USH2A: variants seen among roughly 807,000 people sequenced by gnomAD.
The protein encoded by USH2A is usherin, also known as Usher syndrome 2A (autosomal recessive, mild).
In USH2A, 443 loss-of-function variants were observed where a neutral mutation model predicts 538.9. That is an observed-to-expected ratio of 0.82 (90% CI 0.76 to 0.89). USH2A has a LOEUF of 0.89. USH2A is among the 40% of genes least tolerant of loss of function. USH2A has a pLI of 0.00. For missense variants in USH2A, 6,633 were observed against 6,324.8 expected (o/e 1.05, Z -1.65); for synonymous variants, 2,413 against 2,273.5 (o/e 1.06, Z -1.75).
intron 32 of USH2A, among the ~76,000 whole-genome samples, chr1:216,021,125 A>C (rs1668835250): frequency 6.6e-6 from 1 of 152,140 alleles, no homozygotes; most frequent in Non-Finnish European, 1.5e-5. Context: ...TGAGTGTCAG[A>C]GAATTGAAGA....
At chr1:215,736,842 T>C (rs932084268) in intron 60 of USH2A, among the ~76,000 whole-genome samples, 4 of 151,950 alleles carry the variant, frequency 2.6e-5, no homozygotes, top group African/African-American at 9.7e-5. Context: ...GACCCTGTAT[T>C]AAAAGATTTC....
chr1:215,818,219 A>T (rs1179185599), intron 47 of USH2A, among the ~76,000 whole-genome samples: 5 of 151,866 alleles, frequency 3.3e-5, no homozygotes, highest in Non-Finnish European at 5.9e-5. Flanking sequence ...CTGGGTGGGG[A>T]TCAGCAGTCC....
At chr1:216,026,271 A>G (rs1456948501) in intron 32 of USH2A, among the ~76,000 whole-genome samples, 1 of 152,156 alleles carries the variant, frequency 6.6e-6, no homozygotes, top group Non-Finnish European at 1.5e-5. Context: ...GTAATTACAT[A>G]GAATTTATTC....
intron 21 of USH2A, among the ~76,000 whole-genome samples, chr1:216,131,410 C>T (rs1232739791): frequency 6.6e-6 from 1 of 151,956 alleles, no homozygotes; most frequent in South Asian, 2.1e-4. Context: ...AGGGTTTTTC[C>T]AATGTTATCT....
chr1:216,205,841 T>A (rs1002109641), intron 16 of USH2A, among the ~76,000 whole-genome samples: 15 of 152,136 alleles, frequency 9.9e-5, no homozygotes, highest in African/African-American at 3.4e-4. Flanking sequence ...AATGTAAAAA[T>A]TCCTATTTTT....
At chr1:215,873,717 A>C (rs1231703059) in intron 43 of USH2A, among the ~76,000 whole-genome samples, 1 of 151,924 alleles carries the variant, frequency 6.6e-6, no homozygotes, top group African/African-American at 2.4e-5. Context: ...AAAATGTGTT[A>C]ATTTTGAATG....
At chr1:216,382,450 C>T (rs2038937499) in intron 3 of USH2A, among the ~76,000 whole-genome samples, 1 of 152,132 alleles carries the variant, frequency 6.6e-6, no homozygotes, top group Non-Finnish European at 1.5e-5. Flanking sequence ...TGTGAGGTCC[C>T]AGAGGAGACC....
chr1:215,784,629 A>T (rs566728081), intron 52 of USH2A, among the ~76,000 whole-genome samples: 1 of 152,320 alleles, frequency 6.6e-6, no homozygotes, highest in African/African-American at 2.4e-5. Flanking sequence ...CAGCACTGGT[A>T]TTGTCAGCTT....
At chr1:215,708,593 T>A (rs953650452) in intron 61 of USH2A, among the ~76,000 whole-genome samples, 1 of 152,062 alleles carries the variant, frequency 6.6e-6, no homozygotes, top group African/African-American at 2.4e-5. Context: ...GATCATCAGG[T>A]ATTAGTTAGA....
chr1:216,305,256 A>G (rs1346935762), intron 9 of USH2A, among the ~76,000 whole-genome samples: 1 of 152,072 alleles, frequency 6.6e-6, no homozygotes, highest in Non-Finnish European at 1.5e-5. Flanking sequence ...TAGTCCTTTT[A>G]TCATTATATA....
At position 216,380,020 on chromosome 1, in the gene USH2A, C is replaced by G. The variant is rs572545279; in HGVS notation, c.652-14935G>C. Among the ~76,000 whole-genome samples the G allele has an allele frequency of 6.8e-4, 103 of 152,268 alleles. 1 individual carries two copies. The highest frequency in any genetic ancestry group is 2.3e-3 in the African/African-American group (96 of 41,566). On this transcript the variant is annotated intron_variant, in intron 3 of 71. Transcript: ENST00000307340. ...TTTAATATGAACTTGAATTCAAGCA[C>G]TGTCATTTAAAACTGGATACTTATT...
intron 58 of USH2A, among the ~76,000 whole-genome samples, chr1:215,749,419 C>T (rs72740652): frequency 0.031 from 4,646 of 152,192 alleles, 117 homozygotes; most frequent in Non-Finnish European, 0.048. Flanking sequence ...TTTACATATA[C>T]CTATGAGGTG....
At chr1:216,259,980 G>A (rs1444587318) in intron 11 of USH2A, among the ~76,000 whole-genome samples, 4 of 152,006 alleles carry the variant, frequency 2.6e-5, no homozygotes, top group African/African-American at 9.7e-5. Context: ...ACTGCAGTAC[G>A]AGTGCAGGCT....
At chr1:215,826,087 T>C (rs966364403) in intron 47 of USH2A, among the ~76,000 whole-genome samples, 1 of 152,170 alleles carries the variant, frequency 6.6e-6, no homozygotes, top group African/African-American at 2.4e-5. Flanking sequence ...CAATGAAAGG[T>C]TAAGCCTAGA....
At chr1:216,087,463 G>T (rs2032170127) in intron 23 of USH2A, among the ~76,000 whole-genome samples, 1 of 152,040 alleles carries the variant, frequency 6.6e-6, no homozygotes, top group African/African-American at 2.4e-5. Context: ...CCTGGTTTTG[G>T]CAGCTACATT....
intron 68 of USH2A, 36 bp from the exon 69 acceptor site, chr1:215,639,274 A>G: frequency 6.3e-7 from 1 of 1,596,212 alleles, no homozygotes; most frequent in Non-Finnish European, 8.6e-7. Context: ...TGACTTGTTC[A>G]TTCAACACCT....
intron 11 of USH2A, among the ~76,000 whole-genome samples, chr1:216,278,207 G>A (rs183952013): frequency 7.1e-4 from 108 of 152,074 alleles, no homozygotes; most frequent in African/African-American, 2.5e-3. Flanking sequence ...TTGTATACCT[G>A]GGCCCTTGTG....
In USH2A at chr1:216,323,631, G is replaced by T; in HGVS notation, c.1393C>A (p.Pro465Thr). Reference sequence around the variant, plus strand: ...GTATTATAGAAGTTATTGTATCCAGGACGATAATTTGGTCCAGGTGTCAGG... The same window carrying T: ...GTATTATAGAAGTTATTGTATCCAGTACGATAATTTGGTCCAGGTGTCAGG... The part of the protein sequence containing the change: ...SILTPGPNYR[P>T]GYNNFYNTPS... The change falls in exon 8 of 72, where the codon CCT (proline) becomes ACT (threonine). Residue 465 changes from proline (P) to threonine (T), a missense_variant. Physicochemically the swap from Pro to Thr is conservative, Grantham distance 38. Coordinates refer to ENST00000307340, the MANE Select transcript of USH2A (RefSeq NM_206933.4). The T allele has an allele frequency of 6.2e-7, 1 of 1,613,584 alleles. No homozygotes were observed. Among genetic ancestry groups the T allele is most frequent in the Non-Finnish European group, 8.5e-7 (1 of 1,179,738 alleles).
At chr1:215,943,973 G>A (rs1180395728) in intron 37 of USH2A, among the ~76,000 whole-genome samples, 1 of 152,170 alleles carries the variant, frequency 6.6e-6, no homozygotes, top group Non-Finnish European at 1.5e-5. Flanking sequence ...TTTATGGGTA[G>A]TGGGATTTTA....
Sources: gnomAD v4.1 joint callset for allele counts (sites outside exome capture counted in the v4.1 genomes callset) on GRCh38, gnomAD v4.1.1 for gene constraint, MANE v1.5 for transcripts, NCBI Gene and HGNC (gene_info 2026-07-23, HGNC 2026-07-21) for gene names.